DUS2: variants seen among roughly 807,000 people sequenced by gnomAD.
DUS2 encodes tRNA-dihydrouridine(20) synthase [NAD(P)+]-like.
In DUS2, 52 loss-of-function variants were observed where a neutral mutation model predicts 71.3. The ratio of observed to expected loss-of-function variants is 0.73; its 90% CI spans 0.58 to 0.92. The LOEUF (loss-of-function observed/expected upper bound fraction) is 0.92, where lower values mean the gene tolerates loss of function less well. Among genes scored for constraint, DUS2 ranks in the 40% least tolerant of loss-of-function variants. The pLI is 0.00. For synonymous variants in DUS2, 204 were observed against 227.8 expected, an observed-to-expected ratio of 0.90 and a Z score of 0.94; for missense variants, 558 against 622.6, an observed-to-expected ratio of 0.90 and a Z score of 1.10.
chr16:68,073,743 C>T (rs1459341088), intron 12 of DUS2, among the ~76,000 whole-genome samples: 2 of 152,006 alleles, frequency 1.3e-5, no homozygotes, highest in African/African-American at 4.8e-5. Flanking sequence ...GCCACCGTGC[C>T]CAGCCGATAA....
chr16:68,076,812 T>C (rs2034164212), intron 15 of DUS2, 93 bp downstream of exon 15: 1 of 1,131,742 alleles, frequency 8.8e-7, no homozygotes. Context: ...GAGCCTGGCC[T>C]TGACCTCTGT....
intron 2 of DUS2, among the ~76,000 whole-genome samples, chr16:68,028,171 G>C (rs2033383459): frequency 6.6e-6 from 1 of 152,154 alleles, no homozygotes; most frequent in African/African-American, 2.4e-5. Context: ...CCTGGAGGCA[G>C]AGAGACTGGT....
intron 14 of DUS2, 52 bp from the exon 15 acceptor site, chr16:68,076,580 G>A (rs765082896): frequency 2.1e-6 from 3 of 1,400,050 alleles, no homozygotes; most frequent in Non-Finnish European, 3.0e-6. Flanking sequence ...CCTGGCTGAG[G>A]GAGGGAGCGG....
At position 68,074,120 on chromosome 16, in the gene DUS2, G is replaced by C; in HGVS notation, c.897G>C (p.Arg299Ser). Reference protein sequence around the residue: ...LREQLESPQGRLLHAAQSSRE... With the variant: ...LREQLESPQGSLLHAAQSSRE... Reference sequence around the variant, plus strand: ...AACAGCTGGAGTCGCCCCAGGGAAGGTTGCTCCATGCTGCCCAGTCTTCCC... The same window carrying C: ...AACAGCTGGAGTCGCCCCAGGGAAGCTTGCTCCATGCTGCCCAGTCTTCCC... The change falls in exon 13 of 17, where the codon AGG becomes AGC. Residue 299 changes from arginine to serine, a missense_variant. Coordinates refer to ENST00000565263, the MANE Select transcript of DUS2 (RefSeq NM_017803.5). The C allele has an allele frequency of 6.2e-7, 1 of 1,614,168 alleles. No individual in the cohort carries two copies. Among genetic ancestry groups the C allele is most frequent in the Non-Finnish European group, 8.5e-7 (1 of 1,180,016 alleles).
rs565581262 is a variant in DUS2, at chr16:68,070,559, G to C, written c.641+339G>C. ...CTAGGGTGTCTGTTCCTCTCGCCAG[G>C]GTTTTGACTTAGCCCTCAGTGAACA... On this transcript the variant is annotated intron_variant, in intron 11 of 16. Coordinates refer to ENST00000565263, the MANE Select transcript of DUS2 (RefSeq NM_017803.5). Among the ~76,000 whole-genome samples, 26 of 152,178 alleles carry C rather than the reference G, an allele frequency of 1.7e-4. No homozygotes were observed. The South Asian group carries it at 2.5e-3, about 15-fold the overall frequency.
intron 10 of DUS2, among the ~76,000 whole-genome samples, chr16:68,067,073 T>C (rs1434866785): frequency 1.3e-5 from 1 of 74,542 alleles, no homozygotes; most frequent in East Asian, 5.0e-4. Context: ...CCTTCCTTCC[T>C]TCCCTCCCTC....
intron 3 of DUS2, among the ~76,000 whole-genome samples, chr16:68,045,791 G>T (rs2033692198): frequency 6.7e-6 from 1 of 149,802 alleles, no homozygotes. Context: ...GAAGTGACAT[G>T]ATCTTGGCTC....
At chr16:68,028,989 A>G (rs1173032870) in intron 2 of DUS2, among the ~76,000 whole-genome samples, 1 of 152,140 alleles carries the variant, frequency 6.6e-6, no homozygotes, top group Non-Finnish European at 1.5e-5. Flanking sequence ...GCTAGAGGCC[A>G]GGAGTTGGAG....
chr16:68,044,815 C>G (rs1431941466), intron 3 of DUS2, among the ~76,000 whole-genome samples: 1 of 151,630 alleles, frequency 6.6e-6, no homozygotes, highest in Non-Finnish European at 1.5e-5. Flanking sequence ...TTTTTTGAGG[C>G]AGAGTCCCGC....
rs1347870070 is a variant in DUS2 at position 68,056,494 on chromosome 16, G to GTA, written c.369+73_369+74dup. On this transcript the variant is annotated intron_variant, in intron 7 of 16. Coordinates refer to ENST00000565263, the MANE Select transcript of DUS2 (RefSeq NM_017803.5). Reference sequence around the variant, plus strand: ...TAAGAGGCTGACAAGACATAACTAAGTATAGTACCTAACTCTGGACTGGAT... The same window carrying GTA: ...TAAGAGGCTGACAAGACATAACTAAGTATATAGTACCTAACTCTGGACTGGAT... The GTA allele has an allele frequency of 3.2e-6, 4 of 1,267,284 alleles. No individual in the cohort carries two copies. In the East Asian group the frequency reaches 7.0e-5, roughly 22 times the overall value. The allele number at this position is 1,267,284 out of a possible 1,614,324, so 78.5% of individuals were successfully genotyped here.
intron 2 of DUS2, chr16:68,026,952 G>C (rs1441013758): frequency 6.9e-6 from 1 of 145,918 alleles, no homozygotes; most frequent in African/African-American, 2.6e-5. Flanking sequence ...AATCCTTGTT[G>C]CCTGCAGATT....
At chr16:68,064,664 T>C (rs1454863274) in intron 8 of DUS2, among the ~76,000 whole-genome samples, 2 of 152,228 alleles carry the variant, frequency 1.3e-5, no homozygotes, top group African/African-American at 4.8e-5. Context: ...TAAGTGCCTC[T>C]TTAAGGCCTG....
chr16:68,072,943 C>T (rs3785108), intron 12 of DUS2, among the ~76,000 whole-genome samples: 13,293 of 152,220 alleles, frequency 0.087, 760 homozygotes, highest in Admixed American at 0.12. Flanking sequence ...TGTGTTTTAC[C>T]CACGTAGGGG....
intron 3 of DUS2, among the ~76,000 whole-genome samples, chr16:68,048,973 A>T (rs890132111): frequency 2.6e-5 from 4 of 152,060 alleles, no homozygotes; most frequent in African/African-American, 9.7e-5. Flanking sequence ...GTATCTCCAG[A>T]GTTGGGGACC....
Position 68,075,377 on chromosome 16 carries a change from T to G in DUS2, c.955T>G (p.Phe319Val), listed in dbSNP as rs749816239. Residue 319 changes from phenylalanine (F) to valine (V), a missense_variant, in exon 14 of 17, where the codon TTC becomes GTC. By Grantham distance (50) the Phe-to-Val change is conservative. Transcript: ENST00000565263. Reference sequence around the variant, plus strand: ...TAGTGAGGCCTTTGGCCTTGGTGCCTTCTATGAGGAGACCACACAGGAGCT... The same window carrying G: ...TAGTGAGGCCTTTGGCCTTGGTGCCGTCTATGAGGAGACCACACAGGAGCT... ...EICEAFGLGA[F>V]YEETTQELDA... 52 of 1,610,736 alleles carry G rather than the reference T, an allele frequency of 3.2e-5. No homozygotes were observed. The highest frequency in any genetic ancestry group is 4.3e-5 in the Non-Finnish European group (51 of 1,178,460).
At chr16:68,036,371 G>A (rs1020717885) in intron 2 of DUS2, among the ~76,000 whole-genome samples, 1 of 152,074 alleles carries the variant, frequency 6.6e-6, no homozygotes, top group Non-Finnish European at 1.5e-5. Flanking sequence ...ATCTTGGCCA[G>A]GCTGGTCTTG....
chr16:68,052,998 T>C (rs1392374116), intron 4 of DUS2, among the ~76,000 whole-genome samples: 1 of 151,694 alleles, frequency 6.6e-6, no homozygotes, highest in East Asian at 1.9e-4. Context: ...AGTCTTGCTC[T>C]GTCGCCCAGG....
Position 68,070,209 on chromosome 16 carries a change from T to TG in DUS2, c.631dup (p.Val211GlyfsTer9), listed in dbSNP as rs751720214. ...CCATTGCTGATACCCTCTCCATTCCTGTCATAGCCAAGTAAGCCTCCTGTC... is the reference window on the plus strand; with the variant it reads ...CCATTGCTGATACCCTCTCCATTCCTGGTCATAGCCAAGTAAGCCTCCTGTC... On this transcript the variant is annotated frameshift_variant, in exon 11 of 17. Transcript: ENST00000565263. LOFTEE classifies it high-confidence loss of function. 1.2e-6 allele frequency: 2 copies of TG among 1,613,970 alleles called. No homozygotes were observed. Among genetic ancestry groups the TG allele is most frequent in the African/African-American group, 2.7e-5 (2 of 74,926 alleles).
chr16:68,055,309 A>C (rs1388934131), intron 6 of DUS2, among the ~76,000 whole-genome samples: 2 of 152,112 alleles, frequency 1.3e-5, no homozygotes, highest in Non-Finnish European at 2.9e-5. Context: ...GCTCATCTCT[A>C]CAAAAATGGT....
Sources: gnomAD v4.1 joint callset for allele counts (sites outside exome capture counted in the v4.1 genomes callset) on GRCh38, gnomAD v4.1.1 for gene constraint, MANE v1.5 for transcripts, NCBI Gene and HGNC (gene_info 2026-07-23, HGNC 2026-07-21) for gene names.